The following CDCA7 variants were observed in gnomAD, a reference collection of about 807,000 sequenced individuals.
CDCA7 encodes the protein cell division cycle associated 7.
In CDCA7, 28 loss-of-function variants were observed where a neutral mutation model predicts 54.0. That is an observed-to-expected ratio of 0.52 (90% CI 0.38 to 0.71). The LOEUF (loss-of-function observed/expected upper bound fraction) is 0.71, where lower values mean the gene tolerates loss of function less well. CDCA7 is among the 30% of genes least tolerant of loss of function. The pLI is 0.00. For missense variants in CDCA7, 484 were observed against 586.0 expected (o/e 0.83, Z 1.80); for synonymous variants, 180 against 208.2 (o/e 0.86, Z 1.16).
chr2:173,358,199 C>CA (rs369867435), intron 1 of CDCA7, among the ~76,000 whole-genome samples: 50,104 of 107,004 alleles, frequency 0.47, 10,696 homozygotes, highest in Non-Finnish European at 0.55. Flanking sequence ...GACTCCGTCT[C>CA]AAAAAAAAAA....
intron 3 of CDCA7, 70 bp from the exon 4 acceptor site, chr2:173,363,156 G>A: frequency 3.5e-6 from 5 of 1,431,932 alleles, no homozygotes; most frequent in South Asian, 2.4e-5. Flanking sequence ...TCATTGAAAA[G>A]GGACTTTGTA....
rs200051926 is a variant in CDCA7, at chr2:173,363,284, C to T, written c.443C>T (p.Pro148Leu). ...RTRSQCRHSG[P>L]LRVAMKFPAR... ...CGCAGCCAGTGCAGGCACTCTGGACCTCTCAGGGTGGCGATGAAGTTTCCA... is the reference window on the plus strand; with the variant it reads ...CGCAGCCAGTGCAGGCACTCTGGACTTCTCAGGGTGGCGATGAAGTTTCCA... The change falls in exon 4 of 10, where the codon CCT becomes CTT. Residue 148 changes from proline (P) to leucine (L), a missense_variant. Around this residue, in one of 3 missense-constraint regions of CDCA7, gnomAD observed 398 missense variants for 447.4 expected, o/e 0.89. Transcript: ENST00000306721. The T allele has an allele frequency of 1.2e-6, 2 of 1,614,158 alleles. No homozygotes were observed. Among genetic ancestry groups the T allele is most frequent in the Non-Finnish European group, 1.7e-6 (2 of 1,180,036 alleles).
chr2:173,363,914 TTATA>T lies in CDCA7; in HGVS notation c.699+22_699+25del. 6.2e-7 allele frequency: 1 copy of T among 1,608,066 alleles called. No homozygotes were observed. The highest frequency in any genetic ancestry group is 8.5e-7 in the Non-Finnish European group (1 of 1,174,664). ...CGACTCAGTAAGTACCAGTTCTTGTTTATATACAGTAGTGTTTTGGGCACACCTA... is the reference window on the plus strand; with the variant it reads ...CGACTCAGTAAGTACCAGTTCTTGTTTACAGTAGTGTTTTGGGCACACCTA... On this transcript the variant is annotated intron_variant, in intron 5 of 9. Coordinates refer to ENST00000306721, the MANE Select transcript of CDCA7 (RefSeq NM_031942.5).
In CDCA7 at chr2:173,367,268, T is replaced by A. The variant is rs1372439038; in HGVS notation, c.1304T>A (p.Val435Glu). The A allele has an allele frequency of 6.2e-7, 1 of 1,614,106 alleles. No individual in the cohort carries two copies. Among genetic ancestry groups the A allele is most frequent in the African/African-American group, 1.3e-5 (1 of 75,026 alleles). ...YLAKYHGFGN[V>E]HAYLKSLKQE... ...GCCAAATATCATGGCTTTGGGAATG[T>A]GCATGCCTACTTGAAAAGGTAGTGG... The change falls in exon 9 of 10, where the codon GTG (valine) becomes GAG (glutamate). Residue 435 changes from valine (V) to glutamate (E), a missense_variant. Physicochemically the swap from Val to Glu is moderately radical, Grantham distance 121 (BLOSUM62 -2). Around this residue, in one of 3 missense-constraint regions of CDCA7, gnomAD observed 83 missense variants for 122.3 expected, o/e 0.68. Transcript: ENST00000306721.
intron 1 of CDCA7, among the ~76,000 whole-genome samples, chr2:173,355,451 C>T (rs1381699195): frequency 6.6e-6 from 1 of 152,234 alleles, no homozygotes; most frequent in Non-Finnish European, 1.5e-5. Context: ...CTTGGGCGCG[C>T]ACCCCGCCCG....
intron 7 of CDCA7, 45 bp downstream of exon 7, chr2:173,365,637 AG>A: frequency 6.2e-7 from 1 of 1,600,556 alleles, no homozygotes; most frequent in Non-Finnish European, 8.5e-7. Context: ...CATCTGTGAG[AG>A]GAAGAGAGCT....
Position 173,363,408 on chromosome 2 carries a change from T to C in CDCA7, c.567T>C (p.Ser189=). 1 of 1,614,116 alleles carries C rather than the reference T, an allele frequency of 6.2e-7. No individual in the cohort carries two copies. Among genetic ancestry groups the C allele is most frequent in the Non-Finnish European group, 8.5e-7 (1 of 1,180,024 alleles). Residue 189 remains serine (S), a synonymous_variant, in exon 4 of 10, where the codon AGT becomes AGC. Transcript: ENST00000306721. ...CCAACTCCGATTCAGAAGATGAAAG[T>C]GGAATGAATTTTTTGGAGAAAAGGG... ...TDSNSDSEDE[S]GMNFLEKRAL...
At position 173,366,847 on chromosome 2, in the gene CDCA7, A is replaced by G. The variant is rs1481506139; in HGVS notation, c.1186-303A>G. ...AGGTGTGAGCCACCACGCCCGGCCC[A>G]GGGTGCTCTTAATTCAGAACACAAA... On this transcript the variant is annotated intron_variant, in intron 8 of 9. Coordinates refer to ENST00000306721, the MANE Select transcript of CDCA7 (RefSeq NM_031942.5). The surrounding 1 kb of genome is among the most constrained non-coding windows in gnomAD (Gnocchi z 4.5). Among the ~76,000 whole-genome samples the G allele has an allele frequency of 6.6e-6, 1 of 152,106 alleles. No individual in the cohort carries two copies. Among genetic ancestry groups the G allele is most frequent in the Non-Finnish European group, 1.5e-5 (1 of 68,022 alleles).
chr2:173,367,108 T>G, intron 8 of CDCA7, 42 bp from the exon 9 acceptor site: 1 of 1,534,474 alleles, frequency 6.5e-7, no homozygotes, highest in Non-Finnish European at 8.7e-7. Context: ...GTGGGGGAGG[T>G]AAGGTTTAAC....
intron 3 of CDCA7, 147 bp from the exon 4 acceptor site, chr2:173,363,077 CTT>C (rs1191456736): frequency 2.6e-6 from 2 of 757,552 alleles, no homozygotes; most frequent in Admixed American, 2.2e-5. Flanking sequence ...TTGATGTACT[CTT>C]TGTGGTTCCT....
chr2:173,364,599 G>GCAT, intron 5 of CDCA7, 196 bp from the exon 6 acceptor site: 2 of 540,668 alleles, frequency 3.7e-6, no homozygotes, highest in East Asian at 3.8e-5. Flanking sequence ...ACTGGGCTTG[G>GCAT]TATTACAAAA....
intron 3 of CDCA7, among the ~76,000 whole-genome samples, chr2:173,362,749 A>AT (rs11437573): frequency 0.81 from 121,415 of 149,680 alleles, 49,522 homozygotes; most frequent in East Asian, 0.98. Context: ...TAATTTTTGT[A>AT]TTTTTTTTTG....
intron 3 of CDCA7, among the ~76,000 whole-genome samples, chr2:173,361,401 G>C (rs1349158734): frequency 6.6e-6 from 1 of 151,652 alleles, no homozygotes; most frequent in Non-Finnish European, 1.5e-5. Flanking sequence ...AGTGTGTGAG[G>C]GTTACAGTTT....
chr2:173,359,040 A>G (rs576938846), intron 2 of CDCA7, among the ~76,000 whole-genome samples: 6 of 152,308 alleles, frequency 3.9e-5, no homozygotes, highest in East Asian at 1.9e-4. Context: ...TACTTATTCT[A>G]TCCTTTTGAA....
In CDCA7 at chr2:173,359,264, T is replaced by C; in HGVS notation, c.157T>C (p.Phe53Leu). The C allele has an allele frequency of 6.2e-7, 1 of 1,611,534 alleles. No homozygotes were observed. Among genetic ancestry groups the C allele is most frequent in the Non-Finnish European group, 8.5e-7 (1 of 1,178,634 alleles). Residue 53 changes from phenylalanine to leucine, a missense_variant, in exon 3 of 10, where the codon TTC becomes CTC. Physicochemically the swap from Phe to Leu is conservative, Grantham distance 22. This residue lies in a region of CDCA7 where 398 missense variants were observed against 447.4 expected (regional missense o/e 0.89). Transcript: ENST00000306721. ...SDNFANTKPK[F>L]RSDISEELAN... Reference sequence around the variant, plus strand: ...TTTATTTATTTTACAGAAACCTAAATTCAGGTCAGATATCAGTGAAGAACT... The same window carrying C: ...TTTATTTATTTTACAGAAACCTAAACTCAGGTCAGATATCAGTGAAGAACT...
intron 1 of CDCA7, 41 bp from the exon 2 acceptor site, chr2:173,358,666 ATAAAG>A (rs777965222): frequency 3.3e-5 from 52 of 1,587,454 alleles, no homozygotes; most frequent in Middle Eastern, 1.7e-4. Context: ...CTTTAGTTAA[ATAAAG>A]TAAGCATCAC....
intron 3 of CDCA7, among the ~76,000 whole-genome samples, chr2:173,362,578 C>CTTT (rs11437572): frequency 2.1e-5 from 3 of 143,022 alleles, no homozygotes. Flanking sequence ...ATTTTTTTCC[C>CTTT]TTTTTTTTTT....
intron 3 of CDCA7, among the ~76,000 whole-genome samples, chr2:173,361,013 G>C (rs1686610723): frequency 6.6e-6 from 1 of 152,122 alleles, no homozygotes; most frequent in Non-Finnish European, 1.5e-5. Flanking sequence ...TCATAGATTA[G>C]CCCGTTGTGG....
rs1185502922 is a variant in CDCA7 at position 173,366,048 on chromosome 2, C to T, written c.1036-235C>T. 6.6e-6 allele frequency among the ~76,000 whole-genome samples: 1 copy of T among 152,110 alleles called. No homozygotes were observed. Among genetic ancestry groups the T allele is most frequent in the Non-Finnish European group, 1.5e-5 (1 of 68,032 alleles). ...CCATATTGCCCAGGCTGGTCTTGAA[C>T]TCCTTGGCTCAAGCGATCCACTCTC... On this transcript the variant is annotated intron_variant, in intron 7 of 9. Transcript: ENST00000306721. This position sits in a 1 kb window ranked among gnomAD's most constrained non-coding sequence, Gnocchi z 4.5.
Sources: gnomAD v4.1 joint callset for allele counts (sites outside exome capture counted in the v4.1 genomes callset) on GRCh38, gnomAD v4.1.1 for gene constraint, gnomAD v4.1.1 regional missense constraint, Gnocchi (gnomAD v3.1) non-coding constraint, MANE v1.5 for transcripts, NCBI Gene and HGNC (gene_info 2026-07-23, HGNC 2026-07-21) for gene names.